Variants in CDC27 observed in about 807,000 individuals in gnomAD.
CDC27 encodes cell division cycle 27, also known as cell division cycle protein 27 homolog.
CDC27 carries 27 observed loss-of-function variants against 109.7 expected under a neutral mutation model. The observed-to-expected ratio is 0.25, with a 90% CI of 0.18 to 0.34. CDC27 has a LOEUF of 0.34. CDC27 is among the 10% of genes least tolerant of loss of function. CDC27 has a pLI of 1.00. For missense variants in CDC27, 579 were observed against 960.2 expected, an observed-to-expected ratio of 0.60 and a Z score of 5.25; for synonymous variants, 266 against 333.9, an observed-to-expected ratio of 0.80 and a Z score of 2.22.
chr17:47,120,875 G>T lies in CDC27; in HGVS notation c.*60C>A. The T allele has an allele frequency of 2.5e-6, 3 of 1,209,988 alleles. No homozygotes were observed. Among genetic ancestry groups the T allele is most frequent in the South Asian group, 1.2e-5 (1 of 80,228 alleles). The allele number at this position is 1,209,988 out of a possible 1,614,324, so 75.0% of individuals were successfully genotyped here. A position where few individuals can be genotyped will look rare whatever the true frequency, so the allele number is the denominator to read the frequency against. ...AAGAGTAAAGACTCAGTATACAGAGGGACAAGAAACACGTCAGCACTAGTC... is the reference window on the plus strand; with the variant it reads ...AAGAGTAAAGACTCAGTATACAGAGTGACAAGAAACACGTCAGCACTAGTC... On this transcript the variant is annotated 3_prime_UTR_variant, in exon 19 of 19. Coordinates refer to ENST00000066544, the MANE Select transcript of CDC27 (RefSeq NM_001256.6).
intron 9 of CDC27, among the ~76,000 whole-genome samples, chr17:47,147,350 G>A (rs2062993721): frequency 1.3e-5 from 2 of 150,890 alleles, no homozygotes; most frequent in Non-Finnish European, 2.9e-5. Flanking sequence ...AGTGAGTCGA[G>A]ATCGCGCCAC....
intron 14 of CDC27, among the ~76,000 whole-genome samples, chr17:47,133,056 T>C (rs12940134): frequency 0.047 from 1,318 of 28,160 alleles, 36 homozygotes; most frequent in African/African-American, 0.1. Context: ...CACACACACA[T>C]ACATATACAC....
intron 1 of CDC27, among the ~76,000 whole-genome samples, chr17:47,183,155 C>G (rs1411000579): frequency 2.6e-5 from 4 of 152,106 alleles, no homozygotes; most frequent in Admixed American, 2.0e-4. Flanking sequence ...TTTGAGATAT[C>G]TCACACCTGA....
intron 12 of CDC27, among the ~76,000 whole-genome samples, chr17:47,140,753 AT>A (rs1417519828): frequency 3.3e-5 from 5 of 152,236 alleles, no homozygotes; most frequent in African/African-American, 9.6e-5. Flanking sequence ...AAGGACCATA[AT>A]CGAAACATGG....
rs559933325 is a variant in CDC27, at chr17:47,120,108, A to G, written c.*827T>C. The G allele has an allele frequency of 6.6e-6, 1 of 152,284 alleles. No homozygotes were observed. The highest frequency in any genetic ancestry group is 1.9e-4 in the East Asian group (1 of 5,188). The allele number at this position is 152,284 out of a possible 1,614,324, so 9.4% of individuals were successfully genotyped here. The stretch of plus-strand genomic sequence containing the variant: ...ATTCATATGGTGAACTTAAGGGGTT[A>G]TTAAGGGCCTTGTTTTGGCTTCTCA... On this transcript the variant is annotated 3_prime_UTR_variant, in exon 19 of 19. Coordinates refer to ENST00000066544, the MANE Select transcript of CDC27 (RefSeq NM_001256.6).
Position 47,138,728 on chromosome 17 carries a change from G to C in CDC27, c.1704+11C>G. On this transcript the variant is annotated intron_variant, in intron 13 of 18. Coordinates refer to ENST00000066544, the MANE Select transcript of CDC27 (RefSeq NM_001256.6). Reference sequence around the variant, plus strand: ...GGTAACTATATAAGCAAAGTATTTTGGTTAACATACCTCTGGCGAATTTTT... The same window carrying C: ...GGTAACTATATAAGCAAAGTATTTTCGTTAACATACCTCTGGCGAATTTTT... 1 of 1,596,918 alleles carries C rather than the reference G, an allele frequency of 6.3e-7. No individual in the cohort carries two copies. The highest frequency in any genetic ancestry group is 8.6e-7 in the Non-Finnish European group (1 of 1,167,432).
At position 47,120,181 on chromosome 17, in the gene CDC27, A is replaced by G. The variant is rs2061952094; in HGVS notation, c.*754T>C. 1 of 152,298 alleles carries G rather than the reference A, an allele frequency of 6.6e-6. No individual in the cohort carries two copies. Among genetic ancestry groups the G allele is most frequent in the African/African-American group, 2.4e-5 (1 of 41,470 alleles). The allele number at this position is 152,298 out of a possible 1,614,324, so 9.4% of individuals were successfully genotyped here. On this transcript the variant is annotated 3_prime_UTR_variant, in exon 19 of 19. Transcript: ENST00000066544. The stretch of plus-strand genomic sequence containing the variant: ...CTGAATGTTAAAGGTGATCCCACAG[A>G]GCTCAAAGAGAAGAGGCAATATGGT...
intron 5 of CDC27, 67 bp from the exon 6 acceptor site, chr17:47,157,451 C>T: frequency 2.4e-6 from 3 of 1,249,482 alleles, no homozygotes; most frequent in Non-Finnish European, 3.4e-6. Flanking sequence ...TTCAAGTATG[C>T]ATAAATCAGT....
In CDC27 at chr17:47,118,302, G is replaced by C. The variant is rs1245495811; in HGVS notation, c.*2633C>G. 1 of 152,144 alleles carries C rather than the reference G, an allele frequency of 6.6e-6. No individual in the cohort carries two copies. The highest frequency in any genetic ancestry group is 1.5e-5 in the Non-Finnish European group (1 of 67,970). The allele number at this position is 152,144 out of a possible 1,614,324, so 9.4% of individuals were successfully genotyped here. On this transcript the variant is annotated 3_prime_UTR_variant, in exon 19 of 19. Transcript: ENST00000066544. The stretch of plus-strand genomic sequence containing the variant: ...GGTTCAAATGTTACTTGTAGTTCTC[G>C]GAAAAATTAAAAATTTTAAGTGATG...
At chr17:47,187,499 A>C (rs1030656182) in intron 1 of CDC27, among the ~76,000 whole-genome samples, 2 of 151,778 alleles carry the variant, frequency 1.3e-5, no homozygotes, top group African/African-American at 4.8e-5. Flanking sequence ...ACAGGGTTTC[A>C]CTGTGTTGGC....
intron 4 of CDC27, among the ~76,000 whole-genome samples, chr17:47,169,280 T>C (rs1022742093): frequency 2.0e-5 from 3 of 151,990 alleles, no homozygotes; most frequent in Non-Finnish European, 4.4e-5. Context: ...CGTGAGACAA[T>C]GCACCTGGCT....
intron 14 of CDC27, among the ~76,000 whole-genome samples, chr17:47,136,869 C>A (rs1416264496): frequency 6.6e-6 from 1 of 152,094 alleles, no homozygotes; most frequent in Non-Finnish European, 1.5e-5. Flanking sequence ...AGTAACAAAA[C>A]TAAACAAACA....
chr17:47,173,752 A>G (rs1013858204), intron 2 of CDC27, among the ~76,000 whole-genome samples: 3 of 152,226 alleles, frequency 2.0e-5, no homozygotes, highest in African/African-American at 7.2e-5. Flanking sequence ...CTTAAAAATT[A>G]TATGTTCAAA....
intron 2 of CDC27, among the ~76,000 whole-genome samples, chr17:47,178,181 AAAC>A (rs1222377403): frequency 2.0e-5 from 3 of 152,150 alleles, no homozygotes; most frequent in South Asian, 2.1e-4. Context: ...GCCTACGTTA[AAAC>A]AACAACAACA....
At chr17:47,151,980 C>CT (rs747886074) in intron 8 of CDC27, 62 bp from the exon 9 acceptor site, 4 of 1,462,612 alleles carry the variant, frequency 2.7e-6, no homozygotes, top group Non-Finnish European at 3.7e-6. Flanking sequence ...TGATAAAAGA[C>CT]AACACAACGC....
intron 1 of CDC27, chr17:47,188,879 G>A: frequency 7.3e-7 from 1 of 1,378,990 alleles, no homozygotes; most frequent in Non-Finnish European, 9.4e-7. Context: ...TGACAGGAAA[G>A]GCTGGCCGGA....
At chr17:47,176,123 A>C (rs1021592801) in intron 2 of CDC27, among the ~76,000 whole-genome samples, 2 of 152,130 alleles carry the variant, frequency 1.3e-5, no homozygotes, top group African/African-American at 4.8e-5. Context: ...CTATTATTTT[A>C]ATTATTGGCC....
In CDC27 at chr17:47,133,008, T is replaced by C. The variant is rs1351605488; in HGVS notation, c.1914-634A>G. ...AGGCGCATATATATATATATATATATATATATATATATATATATATACACA... is the reference window on the plus strand; with the variant it reads ...AGGCGCATATATATATATATATATACATATATATATATATATATATACACA... On this transcript the variant is annotated intron_variant, in intron 14 of 18. Coordinates refer to ENST00000066544, the MANE Select transcript of CDC27 (RefSeq NM_001256.6). Among the ~76,000 whole-genome samples the C allele has an allele frequency of 1.0e-3, 41 of 40,380 alleles. 1 individual carries two copies. Among genetic ancestry groups the C allele is most frequent in the Middle Eastern group, 0.019 (2 of 108 alleles). 26.5% of individuals were successfully genotyped at this position (40,380 alleles called of 152,430 possible). A position where few individuals can be genotyped will look rare whatever the true frequency, so the allele number is the denominator to read the frequency against.
At chr17:47,153,157 T>C (rs190431885) in intron 8 of CDC27, among the ~76,000 whole-genome samples, 2 of 152,346 alleles carry the variant, frequency 1.3e-5, no homozygotes, top group African/African-American at 4.8e-5. Context: ...CTGCACTCAA[T>C]ACCTGGTTTG....
Sources: gnomAD v4.1 joint callset for allele counts (sites outside exome capture counted in the v4.1 genomes callset) on GRCh38, gnomAD v4.1.1 for gene constraint, MANE v1.5 for transcripts, NCBI Gene and HGNC (gene_info 2026-07-23, HGNC 2026-07-21) for gene names.